ZNF407: variants seen among roughly 807,000 people sequenced by gnomAD.
ZNF407 encodes zinc finger protein 407.
Under a neutral mutation model 131.2 loss-of-function variants are expected in ZNF407, and 17 were observed. The observed-to-expected ratio is 0.13, with a 90% CI of 0.09 to 0.19. The LOEUF (loss-of-function observed/expected upper bound fraction) is 0.19, where lower values mean the gene tolerates loss of function less well. Ranked by LOEUF, ZNF407 falls within the 10% of genes least tolerant of loss-of-function variation. The pLI, the probability that ZNF407 is intolerant of heterozygous loss-of-function variation, is 1.00. For synonymous variants in ZNF407, 1,156 were observed against 1,062.0 expected, an observed-to-expected ratio of 1.09 and a Z score of -1.72; for missense variants, 2,681 against 2,830.6, an observed-to-expected ratio of 0.95 and a Z score of 1.20.
intron 4 of ZNF407, among the ~76,000 whole-genome samples, chr18:74,876,661 C>T (rs1008139523): frequency 1.1e-4 from 16 of 151,922 alleles, no homozygotes; most frequent in East Asian, 1.9e-4. Flanking sequence ...TTTTATCAAA[C>T]GAACCTTTTT....
At chr18:74,745,070 A>G (rs1415257641) in intron 3 of ZNF407, among the ~76,000 whole-genome samples, 1 of 152,126 alleles carries the variant, frequency 6.6e-6, no homozygotes, top group Non-Finnish European at 1.5e-5. Flanking sequence ...ATCGTAGTGC[A>G]TTCAGACTCA....
chr18:74,850,130 AAACACTG>A (rs1484355712), intron 4 of ZNF407, among the ~76,000 whole-genome samples: 1 of 152,234 alleles, frequency 6.6e-6, no homozygotes, highest in Non-Finnish European at 1.5e-5. Context: ...GAAATTTTAA[AAACACTG>A]AACACTACAA....
intron 7 of ZNF407, among the ~76,000 whole-genome samples, chr18:74,895,489 A>T (rs932138745): frequency 1.3e-5 from 2 of 152,148 alleles, no homozygotes; most frequent in African/African-American, 4.8e-5. Flanking sequence ...CTTTTAATTT[A>T]ATAGAATTTT....
intron 4 of ZNF407, among the ~76,000 whole-genome samples, chr18:74,822,355 A>T (rs1245128782): frequency 3.3e-5 from 5 of 152,176 alleles, no homozygotes; most frequent in Admixed American, 1.3e-4. Context: ...TATGTCCTGA[A>T]TGGTACTGCC....
At chr18:74,661,625 A>C (rs1004438340) in intron 3 of ZNF407, among the ~76,000 whole-genome samples, 15 of 152,132 alleles carry the variant, frequency 9.9e-5, no homozygotes, top group Admixed American at 2.0e-4. Context: ...TAGGCTAAAC[A>C]GCAGTTGCTC....
intron 7 of ZNF407, among the ~76,000 whole-genome samples, chr18:74,911,289 C>T (rs1191757190): frequency 6.6e-6 from 1 of 152,182 alleles, no homozygotes; most frequent in Admixed American, 6.5e-5. Context: ...TTGTTAACAA[C>T]TCTTACTGTA....
chr18:74,684,589 T>C (rs1967056128), intron 3 of ZNF407, among the ~76,000 whole-genome samples: 2 of 152,178 alleles, frequency 1.3e-5, no homozygotes, highest in Admixed American at 1.3e-4. Context: ...TTACAGATTG[T>C]AAACTGAGTA....
At chr18:74,964,211 G>A (rs1444118024) in intron 8 of ZNF407, among the ~76,000 whole-genome samples, 1 of 152,168 alleles carries the variant, frequency 6.6e-6, no homozygotes, top group Non-Finnish European at 1.5e-5. Context: ...GATGGGATGT[G>A]GTATTCTAGT....
At chr18:74,983,722 C>CT (rs1972620020) in intron 8 of ZNF407, among the ~76,000 whole-genome samples, 1 of 152,200 alleles carries the variant, frequency 6.6e-6, no homozygotes, top group Non-Finnish European at 1.5e-5. Context: ...AGGATAGGCA[C>CT]TGGGACACGC....
intron 8 of ZNF407, among the ~76,000 whole-genome samples, chr18:74,995,321 G>A (rs1241077208): frequency 6.6e-6 from 1 of 151,064 alleles, no homozygotes; most frequent in Admixed American, 6.6e-5. Flanking sequence ...TGTGGAGAGT[G>A]GCCAGAGGGT....
At chr18:74,767,820 A>AT (rs10692267) in intron 3 of ZNF407, among the ~76,000 whole-genome samples, 14,926 of 114,032 alleles carry the variant, frequency 0.13, 1,601 homozygotes, top group African/African-American at 0.27. Context: ...CGCCTGGCTA[A>AT]TTTTTTTTTT....
At chr18:74,972,766 T>G (rs1042084537) in intron 8 of ZNF407, among the ~76,000 whole-genome samples, 2 of 147,496 alleles carry the variant, frequency 1.4e-5, no homozygotes, top group African/African-American at 5.0e-5. Context: ...CAATCCTGCT[T>G]TAAAAAAAAT....
At chr18:74,649,508 C>G (rs1422218863) in intron 3 of ZNF407, among the ~76,000 whole-genome samples, 2 of 152,172 alleles carry the variant, frequency 1.3e-5, no homozygotes, top group East Asian at 1.9e-4. Flanking sequence ...TTGTGCTAGT[C>G]TGAAAAATTG....
chr18:74,693,057 C>T (rs935270634), intron 3 of ZNF407, among the ~76,000 whole-genome samples: 10 of 152,220 alleles, frequency 6.6e-5, no homozygotes, highest in African/African-American at 1.2e-4. Context: ...CTGTGGTGCA[C>T]GTCAGTTCAC....
chr18:74,821,473 A>G (rs1211201894), intron 4 of ZNF407, among the ~76,000 whole-genome samples: 1 of 143,610 alleles, frequency 7.0e-6, no homozygotes, highest in Non-Finnish European at 1.5e-5. Flanking sequence ...CCCTGTGTCC[A>G]TGCGTTCTCA....
intron 4 of ZNF407, among the ~76,000 whole-genome samples, chr18:74,862,110 G>A (rs1415701395): frequency 6.6e-6 from 1 of 152,168 alleles, no homozygotes; most frequent in African/African-American, 2.4e-5. Flanking sequence ...CTCTAAAATT[G>A]TTTAAATTTG....
chr18:74,801,222 T>C (rs182835942), intron 4 of ZNF407, among the ~76,000 whole-genome samples: 2 of 152,354 alleles, frequency 1.3e-5, no homozygotes, highest in East Asian at 3.9e-4. Flanking sequence ...TTAATGATTG[T>C]GTACCTGAAA....
intron 8 of ZNF407, among the ~76,000 whole-genome samples, chr18:74,940,958 A>G (rs759980446): frequency 6.6e-6 from 1 of 152,134 alleles, no homozygotes; most frequent in Non-Finnish European, 1.5e-5. Context: ...TGCACATAAA[A>G]TGAACTTTCT....
intron 1 of ZNF407, among the ~76,000 whole-genome samples, chr18:74,623,849 A>G (rs921728012): frequency 9.2e-5 from 14 of 152,142 alleles, no homozygotes; most frequent in Admixed American, 8.5e-4. Flanking sequence ...GTTGACAGTC[A>G]AGGAACAACT....
Sources: allele counts gnomAD v4.1 joint callset (sites outside exome capture counted in the v4.1 genomes callset), GRCh38; gene constraint gnomAD v4.1.1; transcripts MANE v1.5; gene names NCBI Gene and HGNC (gene_info 2026-07-23, HGNC 2026-07-21).